Variants in ELAVL1 observed in about 807,000 individuals in gnomAD.
ELAVL1 encodes ELAV-like protein 1.
Under a neutral mutation model 28.4 loss-of-function variants are expected in ELAVL1, and 1 was observed. The observed-to-expected ratio is 0.04, with a 90% confidence interval of 0.01 to 0.17. ELAVL1 has a LOEUF of 0.17. ELAVL1 is among the 10% of genes least tolerant of loss of function. ELAVL1 has a pLI of 1.00. For synonymous variants in ELAVL1, 174 were observed against 183.5 expected (o/e 0.95, Z 0.42); for missense variants, 157 against 447.2 (o/e 0.35, Z 5.85).
chr19:7,972,373 T>C (rs1205566208), intron 4 of ELAVL1, among the ~76,000 whole-genome samples: 1 of 152,238 alleles, frequency 6.6e-6, no homozygotes, highest in Non-Finnish European at 1.5e-5. Flanking sequence ...ACATGTCCCC[T>C]GCTCATCTCT....
Position 7,960,175 on chromosome 19 carries a change from A to C in ELAVL1, c.*3308T>G, listed in dbSNP as rs1007197258. 1 of 152,108 alleles carries C rather than the reference A, an allele frequency of 6.6e-6. No homozygotes were observed. Among genetic ancestry groups the C allele is most frequent in the Non-Finnish European group, 1.5e-5 (1 of 68,012 alleles). The allele number at this position is 152,108 out of a possible 1,614,324, so 9.4% of individuals were successfully genotyped here. On this transcript the variant is annotated 3_prime_UTR_variant, in exon 6 of 6. Coordinates refer to ENST00000407627, the MANE Select transcript of ELAVL1 (RefSeq NM_001419.3). The stretch of plus-strand genomic sequence containing the variant: ...GTCTTCGGGTGCTTCTATTTCTCTG[A>C]TCCAGCAGGGACCCCTGGGCTGCCG...
rs751134984 is a variant in ELAVL1, at chr19:7,991,791, T to C, written c.25A>G (p.Met9Val). The C allele has an allele frequency of 5.6e-6, 9 of 1,613,536 alleles. No homozygotes were observed. Among genetic ancestry groups the C allele is most frequent in the Non-Finnish European group, 7.6e-6 (9 of 1,179,844 alleles). The change falls in exon 2 of 6, where the codon ATG becomes GTG. Residue 9 changes from methionine to valine, a missense_variant. Met to Val is a conservative substitution (Grantham distance 21). Transcript: ENST00000407627. MSNGYEDH[M>V]AEDCRGDIGR... Reference sequence around the variant, plus strand: ...ATGTCACCCCTGCAGTCTTCGGCCATGTGGTCTTCATAACCATTAGACATT... The same window carrying C: ...ATGTCACCCCTGCAGTCTTCGGCCACGTGGTCTTCATAACCATTAGACATT...
Position 7,982,140 on chromosome 19 carries a change from G to A in ELAVL1, c.173-954C>T, listed in dbSNP as rs1220696185. 6.6e-6 allele frequency among the ~76,000 whole-genome samples: 1 copy of A among 152,230 alleles called. No homozygotes were observed. The highest frequency in any genetic ancestry group is 1.9e-4 in the East Asian group (1 of 5,202). Reference sequence around the variant, plus strand: ...ACTGGATACCATGGGAGGGACTCGGGAGGGCAAGGGCAGGACCAGAGGGGA... The same window carrying A: ...ACTGGATACCATGGGAGGGACTCGGAAGGGCAAGGGCAGGACCAGAGGGGA... On this transcript the variant is annotated intron_variant, in intron 2 of 5. Coordinates refer to ENST00000407627, the MANE Select transcript of ELAVL1 (RefSeq NM_001419.3). This position sits in a 1 kb window ranked among gnomAD's most constrained non-coding sequence, Gnocchi z 4.3.
At chr19:7,992,050 C>T (rs767578649) in intron 1 of ELAVL1, among the ~76,000 whole-genome samples, 3 of 151,708 alleles carry the variant, frequency 2.0e-5, no homozygotes, top group Non-Finnish European at 4.4e-5. Context: ...AAGTGATTCT[C>T]CTACCTCAGC....
chr19:7,980,861 C>T (rs958896871), intron 3 of ELAVL1, among the ~76,000 whole-genome samples: 1 of 152,126 alleles, frequency 6.6e-6, no homozygotes, highest in South Asian at 2.1e-4. Flanking sequence ...CAGGGGAGGC[C>T]TGGGAGCTGA....
At chr19:7,978,936 T>G (rs1451438859) in intron 3 of ELAVL1, among the ~76,000 whole-genome samples, 1 of 152,168 alleles carries the variant, frequency 6.6e-6, no homozygotes, top group African/African-American at 2.4e-5. Context: ...TCCAGGCCCT[T>G]ATCACACTGC....
In ELAVL1 at chr19:7,962,195, C is replaced by G. The variant is rs1294846376; in HGVS notation, c.*1288G>C. 2 of 153,700 alleles carry G rather than the reference C, an allele frequency of 1.3e-5. No homozygotes were observed. The highest frequency in any genetic ancestry group is 2.4e-5 in the African/African-American group (1 of 41,426). 9.5% of individuals were successfully genotyped at this position (153,700 alleles called of 1,614,324 possible). A position where few individuals can be genotyped will look rare whatever the true frequency, so the allele number is the denominator to read the frequency against. Reference sequence around the variant, plus strand: ...GGATTGGTTTCTTAAGATCTTACGACTCCTCCCTGAATGCTGGGCCACCTG... The same window carrying G: ...GGATTGGTTTCTTAAGATCTTACGAGTCCTCCCTGAATGCTGGGCCACCTG... On this transcript the variant is annotated 3_prime_UTR_variant, in exon 6 of 6. Coordinates refer to ENST00000407627, the MANE Select transcript of ELAVL1 (RefSeq NM_001419.3).
chr19:7,995,324 C>T (rs774512451), intron 1 of ELAVL1, among the ~76,000 whole-genome samples: 4 of 152,140 alleles, frequency 2.6e-5, no homozygotes, highest in Non-Finnish European at 5.9e-5. Context: ...TTTCCTTCTC[C>T]TCGCCCTTTC....
At chr19:7,973,275 C>T (rs1387333599) in intron 4 of ELAVL1, 9 of 235,832 alleles carry the variant, frequency 3.8e-5, no homozygotes, top group South Asian at 1.8e-4. Context: ...CTGTCACCCA[C>T]GCTGGAGTGC....
At chr19:7,985,538 G>A (rs1985576599) in intron 2 of ELAVL1, among the ~76,000 whole-genome samples, 1 of 152,244 alleles carries the variant, frequency 6.6e-6, no homozygotes, top group Non-Finnish European at 1.5e-5. Context: ...CCTGCCTGGA[G>A]ATGGGAGATC....
intron 1 of ELAVL1, among the ~76,000 whole-genome samples, chr19:7,998,544 G>A (rs1327223946): frequency 6.6e-6 from 1 of 152,116 alleles, no homozygotes; most frequent in Non-Finnish European, 1.5e-5. Flanking sequence ...CTCCCTTCCC[G>A]CTCACTCCAG....
chr19:7,967,514 T>G, intron 5 of ELAVL1, 51 bp downstream of exon 5: 1 of 1,586,094 alleles, frequency 6.3e-7, no homozygotes, highest in Non-Finnish European at 8.6e-7. Flanking sequence ...TGCCGTCGCC[T>G]GCCAGCGGGG....
intron 1 of ELAVL1, among the ~76,000 whole-genome samples, chr19:7,992,908 T>C (rs555321710): frequency 1.3e-5 from 2 of 152,266 alleles, no homozygotes; most frequent in African/African-American, 4.8e-5. Context: ...CCTGAGTAGC[T>C]GGGAACGCAG....
chr19:7,977,246 T>C (rs1358504575), intron 3 of ELAVL1, among the ~76,000 whole-genome samples: 1 of 152,184 alleles, frequency 6.6e-6, no homozygotes, highest in Non-Finnish European at 1.5e-5. Context: ...GATCTCACAA[T>C]GTGCTGGGGA....
intron 4 of ELAVL1, among the ~76,000 whole-genome samples, chr19:7,970,891 G>T (rs888399060): frequency 3.3e-5 from 5 of 152,134 alleles, no homozygotes; most frequent in African/African-American, 1.2e-4. Flanking sequence ...TAAAAAGCCC[G>T]TCACAGGAAG....
intron 3 of ELAVL1, among the ~76,000 whole-genome samples, chr19:7,976,611 C>G (rs1599669385): frequency 6.6e-6 from 1 of 152,030 alleles, no homozygotes; most frequent in East Asian, 1.9e-4. Context: ...CCAGTGCCTT[C>G]AAGAGAAACC....
chr19:8,005,368 C>G (rs1015524923), intron 1 of ELAVL1, 127 bp downstream of exon 1: 1 of 147,404 alleles, frequency 6.8e-6, no homozygotes, highest in Non-Finnish European at 1.5e-5. Flanking sequence ...CGTCCCCTCC[C>G]CCGGTCCGGC....
At chr19:7,964,717 A>C (rs764665337) in intron 5 of ELAVL1, among the ~76,000 whole-genome samples, 26 of 152,132 alleles carry the variant, frequency 1.7e-4, no homozygotes, top group East Asian at 7.7e-4. Flanking sequence ...CTAAACTAAA[A>C]TAAAATAAAG....
chr19:7,973,008 T>C (rs1985164122), intron 4 of ELAVL1: 1 of 150,904 alleles, frequency 6.6e-6, no homozygotes, highest in Admixed American at 6.6e-5. Flanking sequence ...AGATGGGGCT[T>C]CACCATGTTG....
Sources: gnomAD v4.1 joint callset for allele counts (sites outside exome capture counted in the v4.1 genomes callset) on GRCh38, gnomAD v4.1.1 for gene constraint, Gnocchi (gnomAD v3.1) non-coding constraint, MANE v1.5 for transcripts, NCBI Gene and HGNC (gene_info 2026-07-23, HGNC 2026-07-21) for gene names.